The following BIN3 variants were observed in gnomAD, a reference collection of about 807,000 sequenced individuals.
BIN3 encodes bridging integrator 3.
BIN3 carries 41 observed loss-of-function variants against 38.2 expected under a neutral mutation model. The observed-to-expected ratio is 1.07, with a 90% CI of 0.84 to 1.39. BIN3 has a LOEUF of 1.39. Ranked by LOEUF, BIN3 falls within the 40% of genes most tolerant of loss-of-function variation. The probability of loss-of-function intolerance (pLI) is 0.00; values close to 1 mark genes in which losing one functional copy is unlikely to be tolerated. For synonymous variants in BIN3, 145 were observed against 122.6 expected, an observed-to-expected ratio of 1.18 and a Z score of -1.21; for missense variants, 361 against 324.3, an observed-to-expected ratio of 1.11 and a Z score of -0.87.
At chr8:22,645,992 G>A (rs1177107414) in intron 1 of BIN3, among the ~76,000 whole-genome samples, 1 of 152,220 alleles carries the variant, frequency 6.6e-6, no homozygotes, top group Non-Finnish European at 1.5e-5. Context: ...ACAGCGGAAG[G>A]AGGATCATGG....
At chr8:22,657,677 T>C (rs937097428) in intron 1 of BIN3, among the ~76,000 whole-genome samples, 1 of 152,104 alleles carries the variant, frequency 6.6e-6, no homozygotes, top group Non-Finnish European at 1.5e-5. Flanking sequence ...TGCGATGAAA[T>C]GGAGTATTCC....
At chr8:22,634,124 G>C (rs928396361) in intron 4 of BIN3, among the ~76,000 whole-genome samples, 36 of 152,254 alleles carry the variant, frequency 2.4e-4, no homozygotes, top group Non-Finnish European at 8.8e-5. Context: ...AAGCAGGAAG[G>C]AAAGGAAGCA....
intron 3 of BIN3, 54 bp from the exon 4 acceptor site, chr8:22,636,640 C>A: frequency 3.3e-6 from 5 of 1,534,988 alleles, no homozygotes; most frequent in Non-Finnish European, 4.4e-6. Flanking sequence ...CCTACCTGAG[C>A]GAAGCCCAGG....
chr8:22,622,103 T>A (rs894801739), intron 8 of BIN3, among the ~76,000 whole-genome samples: 1 of 152,170 alleles, frequency 6.6e-6, no homozygotes, highest in Non-Finnish European at 1.5e-5. Flanking sequence ...CCAGGTTCAC[T>A]GCCAGGGTCC....
intron 4 of BIN3, 30 bp from the exon 5 acceptor site, chr8:22,630,608 C>T (rs753183991): frequency 6.8e-6 from 11 of 1,612,432 alleles, no homozygotes; most frequent in Non-Finnish European, 9.3e-6. Flanking sequence ...GGTGAACCTT[C>T]TATGAAGGGG....
In BIN3 at chr8:22,629,954, A is replaced by T. The variant is rs753095622; in HGVS notation, c.338+10T>A. 1 of 1,604,632 alleles carries T rather than the reference A, an allele frequency of 6.2e-7. No homozygotes were observed. The highest frequency in any genetic ancestry group is 1.7e-5 in the Admixed American group (1 of 58,960). ...AAGTGCCCCGAGGCCCCCAGGTGAC[A>T]TTTACTCACTTTTTTAAGGGCTCGA... On this transcript the variant is annotated intron_variant, in intron 6 of 8. Transcript: ENST00000276416.
chr8:22,636,220 G>A (rs1365826924), intron 4 of BIN3, among the ~76,000 whole-genome samples: 1 of 152,206 alleles, frequency 6.6e-6, no homozygotes, highest in Non-Finnish European at 1.5e-5. Flanking sequence ...GCCTGAGCCG[G>A]TGGCCAGGAT....
At chr8:22,645,890 C>T (rs914425185) in intron 1 of BIN3, among the ~76,000 whole-genome samples, 2 of 152,134 alleles carry the variant, frequency 1.3e-5, no homozygotes, top group Non-Finnish European at 2.9e-5. Flanking sequence ...CAAAAAGCTG[C>T]TAACTTGGAA....
At chr8:22,624,849 CAA>C (rs1284519280) in intron 6 of BIN3, 1 of 193,132 alleles carries the variant, frequency 5.2e-6, no homozygotes, top group Non-Finnish European at 1.1e-5. Context: ...ATGACTCATC[CAA>C]AGTCACGATG....
chr8:22,621,368 C>A lies in BIN3; in HGVS notation c.*54G>T. On this transcript the variant is annotated 3_prime_UTR_variant, in exon 9 of 9. Coordinates refer to ENST00000276416, the MANE Select transcript of BIN3 (RefSeq NM_018688.6). ...GAGGAGCAGCTAGCCCTGAGAAGGG[C>A]AAGGATGAATGAGGCTGACCACGTC... 2 of 1,571,658 alleles carry A rather than the reference C, an allele frequency of 1.3e-6. No individual in the cohort carries two copies. The highest frequency in any genetic ancestry group is 2.3e-5 in the South Asian group (2 of 85,938).
chr8:22,644,494 TCTA>T (rs1387881047), intron 2 of BIN3: 9 of 459,382 alleles, frequency 2.0e-5, no homozygotes, highest in Non-Finnish European at 3.7e-5. Flanking sequence ...AATATCTTCC[TCTA>T]CATTTTTGTA....
rs1295873321 is a variant in BIN3 at position 22,642,500 on chromosome 8, T to C, written c.57+2255A>G. Reference sequence around the variant, plus strand: ...GAGAGATCAAAGGCCCAGCCGACTTTTGTTGCGTTGGGAAATCTAGCTGCC... The same window carrying C: ...GAGAGATCAAAGGCCCAGCCGACTTCTGTTGCGTTGGGAAATCTAGCTGCC... On this transcript the variant is annotated intron_variant, in intron 2 of 8. Coordinates refer to ENST00000276416, the MANE Select transcript of BIN3 (RefSeq NM_018688.6). Among the ~76,000 whole-genome samples the C allele has an allele frequency of 2.0e-5, 3 of 152,204 alleles. No individual in the cohort carries two copies. The East Asian group carries it at 5.8e-4, about 29-fold the overall frequency.
chr8:22,621,391 G>C lies in BIN3; in HGVS notation c.*31C>G, dbSNP rs778350247. ...GGCAAGGATGAATGAGGCTGACCACGTCACAGGAGTCCTCCAAGAGTGACG... is the reference window on the plus strand; with the variant it reads ...GGCAAGGATGAATGAGGCTGACCACCTCACAGGAGTCCTCCAAGAGTGACG... On this transcript the variant is annotated 3_prime_UTR_variant, in exon 9 of 9. Coordinates refer to ENST00000276416, the MANE Select transcript of BIN3 (RefSeq NM_018688.6). The C allele has an allele frequency of 6.2e-7, 1 of 1,601,322 alleles. No individual in the cohort carries two copies.
At position 22,631,567 on chromosome 8, in the gene BIN3, G is replaced by A. The variant is rs1426947629; in HGVS notation, c.161-989C>T. Reference sequence around the variant, plus strand: ...GTTTGTAATGCCTCCAAGGTCAAACGGCTGAGTGCGCCAGCCGGGCCCTGA... The same window carrying A: ...GTTTGTAATGCCTCCAAGGTCAAACAGCTGAGTGCGCCAGCCGGGCCCTGA... On this transcript the variant is annotated intron_variant, in intron 4 of 8. Transcript: ENST00000276416. Among the ~76,000 whole-genome samples, 79 of 152,204 alleles carry A rather than the reference G, an allele frequency of 5.2e-4. 1 individual carries two copies. Among genetic ancestry groups the A allele is most frequent in the Admixed American group, 5.0e-3 (77 of 15,278 alleles).
At chr8:22,647,809 C>G (rs147176033) in intron 1 of BIN3, among the ~76,000 whole-genome samples, 1 of 152,228 alleles carries the variant, frequency 6.6e-6, no homozygotes, top group East Asian at 1.9e-4. Context: ...TTAAAAAAAT[C>G]CTTCACATTT....
Position 22,644,781 on chromosome 8 carries a change from G to A in BIN3, c.31C>T (p.Pro11Ser). MSWIPFKIGQPKKQIVPKTVE... is the reference protein window; with the variant it reads MSWIPFKIGQSKKQIVPKTVE... ...GTTTTGGGCACAATCTGTTTCTTGG[G>A]CTGCCCAATCTTAAAAGGAATCCTA... Residue 11 changes from proline (P) to serine (S), a missense_variant, in exon 2 of 9, where the codon CCC becomes TCC. Physicochemically the swap from Pro to Ser is moderately conservative, Grantham distance 74. Coordinates refer to ENST00000276416, the MANE Select transcript of BIN3 (RefSeq NM_018688.6). 6.2e-7 allele frequency: 1 copy of A among 1,611,644 alleles called. No individual in the cohort carries two copies.
intron 2 of BIN3, among the ~76,000 whole-genome samples, chr8:22,643,597 T>G (rs1283649730): frequency 6.6e-6 from 1 of 152,254 alleles, no homozygotes; most frequent in Non-Finnish European, 1.5e-5. Flanking sequence ...CGTAAGCCAC[T>G]GGACCCTGTG....
chr8:22,650,329 G>C (rs1802851490), intron 1 of BIN3, among the ~76,000 whole-genome samples: 1 of 152,132 alleles, frequency 6.6e-6, no homozygotes, highest in South Asian at 2.1e-4. Context: ...TTGTATATCA[G>C]GATTTTTTTC....
At chr8:22,639,724 G>GCTGGGCTATAAAC (rs1044093588) in intron 2 of BIN3, among the ~76,000 whole-genome samples, 1 of 152,220 alleles carries the variant, frequency 6.6e-6, no homozygotes, top group Admixed American at 6.5e-5. Context: ...GGGGCTGCAG[G>GCTGGGCTATAAAC]CTGGGCTATA....
Sources: gnomAD v4.1 joint callset for allele counts (sites outside exome capture counted in the v4.1 genomes callset) on GRCh38, gnomAD v4.1.1 for gene constraint, MANE v1.5 for transcripts, NCBI Gene and HGNC (gene_info 2026-07-23, HGNC 2026-07-21) for gene names.